The following SHANK2 variants were observed in gnomAD, a reference collection of about 807,000 sequenced individuals.
SHANK2 encodes the protein SH3 and multiple ankyrin repeat domains 2.
SHANK2 carries 43 observed loss-of-function variants against 133.7 expected under a neutral mutation model. The observed-to-expected ratio is 0.32, with a 90% CI of 0.25 to 0.41. SHANK2 has a LOEUF of 0.41. SHANK2 is among the 10% of genes least tolerant of loss of function. The pLI, the probability that SHANK2 is intolerant of heterozygous loss-of-function variation, is 1.00. For missense variants in SHANK2, 1,994 were observed against 2,235.8 expected (o/e 0.89, Z 2.18); for synonymous variants, 1,017 against 952.8 (o/e 1.07, Z -1.24).
chr11:70,860,237 C>T (rs1056128923), intron 11 of SHANK2, among the ~76,000 whole-genome samples: 3 of 152,300 alleles, frequency 2.0e-5, no homozygotes, highest in Admixed American at 6.5e-5. Context: ...CCCCAAAGCC[C>T]CATGGCTATG....
At chr11:71,237,233 G>A (rs142661279) in intron 1 of SHANK2, among the ~76,000 whole-genome samples, 26 of 152,320 alleles carry the variant, frequency 1.7e-4, no homozygotes, top group African/African-American at 1.9e-4. Flanking sequence ...TGAGTCCAGG[G>A]ACTGAGCCCG....
chr11:70,869,046 T>C (rs1328873716), intron 11 of SHANK2, among the ~76,000 whole-genome samples: 1 of 152,050 alleles, frequency 6.6e-6, no homozygotes, highest in Non-Finnish European at 1.5e-5. Flanking sequence ...ATGGGGCAGG[T>C]CCTAAATCCA....
rs782794833 is a variant in SHANK2, at chr11:70,659,857, C to T, written c.2032G>A (p.Gly678Arg). Reference protein sequence around the residue: ...VDEGGVAWQAGLRTGDFLIEV... With the variant: ...VDEGGVAWQARLRTGDFLIEV... Reference sequence around the variant, plus strand: ...ATCAAGAAGTCCCCGGTCCTTAGTCCGGCTTGCCACGCCACCCCACCTTCA... The same window carrying T: ...ATCAAGAAGTCCCCGGTCCTTAGTCTGGCTTGCCACGCCACCCCACCTTCA... The change falls in exon 17 of 26, where the codon GGA (glycine) becomes AGA (arginine). Residue 678 changes from glycine to arginine, a missense_variant. This residue lies in a region of SHANK2 where 488 missense variants were observed against 642.6 expected (regional missense o/e 0.76). Coordinates refer to ENST00000601538, the MANE Select transcript of SHANK2 (RefSeq NM_012309.5). The T allele has an allele frequency of 3.7e-5, 59 of 1,614,028 alleles. No individual in the cohort carries two copies. The highest frequency in any genetic ancestry group is 6.7e-5 in the East Asian group (3 of 44,892).
At chr11:70,583,316 G>C (rs2060207782) in intron 17 of SHANK2, among the ~76,000 whole-genome samples, 1 of 152,148 alleles carries the variant, frequency 6.6e-6, no homozygotes, top group African/African-American at 2.4e-5. Flanking sequence ...AGGTGACCTG[G>C]AGGGCAAGGG....
At chr11:70,735,613 A>G (rs576476521) in intron 14 of SHANK2, among the ~76,000 whole-genome samples, 2 of 152,056 alleles carry the variant, frequency 1.3e-5, no homozygotes, top group East Asian at 3.9e-4. Flanking sequence ...CTGAGGCAGA[A>G]GAATTGCTTG....
In SHANK2 at chr11:70,924,618, G is replaced by A. The variant is rs539583949; in HGVS notation, c.1108-28051C>T. Among the ~76,000 whole-genome samples the A allele has an allele frequency of 9.2e-5, 14 of 152,134 alleles. No individual in the cohort carries two copies. The East Asian group carries it at 9.7e-4, about 11-fold the overall frequency. On this transcript the variant is annotated intron_variant, in intron 10 of 25. Transcript: ENST00000601538. ...ATTACAGGCACCCGTGACCATGCCC[G>A]GCTAATTTTTGTATTTTTAGTAGAG...
chr11:70,786,086 T>A (rs559868007), intron 14 of SHANK2, among the ~76,000 whole-genome samples: 93 of 152,212 alleles, frequency 6.1e-4, no homozygotes, highest in African/African-American at 1.9e-3. Context: ...TGCCAGAATT[T>A]CCAACAAACA....
chr11:71,247,106 G>A (rs1332729968), intron 1 of SHANK2, among the ~76,000 whole-genome samples: 1 of 152,128 alleles, frequency 6.6e-6, no homozygotes, highest in Non-Finnish European at 1.5e-5. Context: ...ATTACATTAG[G>A]ATAAAATTCT....
chr11:70,844,557 T>C (rs1323441857), intron 11 of SHANK2, among the ~76,000 whole-genome samples: 2 of 152,198 alleles, frequency 1.3e-5, no homozygotes, highest in Admixed American at 6.5e-5. Flanking sequence ...CTCCCCACAC[T>C]GAGCACCTGG....
chr11:71,107,786 T>C (rs1555098214), intron 6 of SHANK2, among the ~76,000 whole-genome samples: 1 of 152,200 alleles, frequency 6.6e-6, no homozygotes. Flanking sequence ...AACAGTCATC[T>C]CAGAACCTTA....
At chr11:70,629,755 C>T (rs2060957518) in intron 17 of SHANK2, among the ~76,000 whole-genome samples, 3 of 152,172 alleles carry the variant, frequency 2.0e-5, no homozygotes, top group Admixed American at 2.0e-4. Flanking sequence ...TCCTGGTGCC[C>T]TCTAATGCCC....
At chr11:70,478,134 T>TAAAG (rs2058687710) in intron 25 of SHANK2, among the ~76,000 whole-genome samples, 1 of 151,464 alleles carries the variant, frequency 6.6e-6, no homozygotes, top group African/African-American at 2.4e-5. Flanking sequence ...GTGAGGTAAG[T>TAAAG]AAAGAAGCAA....
At chr11:70,590,660 C>T (rs959969417) in intron 17 of SHANK2, among the ~76,000 whole-genome samples, 1 of 152,142 alleles carries the variant, frequency 6.6e-6, no homozygotes, top group African/African-American at 2.4e-5. Context: ...GCTAGCATTT[C>T]TCAGCAATAA....
Position 71,120,177 on chromosome 11 carries a change from G to A in SHANK2, c.208-1145C>T, listed in dbSNP as rs571317803. Among the ~76,000 whole-genome samples, 15 of 152,210 alleles carry A rather than the reference G, an allele frequency of 9.9e-5. No individual in the cohort carries two copies. The East Asian group carries it at 2.9e-3, about 29-fold the overall frequency. On this transcript the variant is annotated intron_variant, in intron 3 of 25. Transcript: ENST00000601538. ...CTGAGGACTGAAATAACAACAACTT[G>A]GTCATGTTCCCAGGTCCCCTCTGTG... is the stretch of plus-strand genomic sequence containing the variant.
chr11:70,558,824 C>T (rs1467197137), intron 17 of SHANK2, among the ~76,000 whole-genome samples: 4 of 152,118 alleles, frequency 2.6e-5, no homozygotes, highest in Admixed American at 1.3e-4. Context: ...AGGAGGGCTC[C>T]GGCTTCCTGG....
chr11:70,516,911 A>G (rs1322668309), intron 17 of SHANK2, among the ~76,000 whole-genome samples: 2 of 152,090 alleles, frequency 1.3e-5, no homozygotes, highest in Non-Finnish European at 2.9e-5. Context: ...CGTCTCTTAT[A>G]AAAGTACAAA....
chr11:70,553,052 C>A (rs994126134), intron 17 of SHANK2, among the ~76,000 whole-genome samples: 2 of 152,098 alleles, frequency 1.3e-5, no homozygotes, highest in Admixed American at 1.3e-4. Flanking sequence ...ACAGTGATAT[C>A]GGATTAAGGC....
intron 17 of SHANK2, among the ~76,000 whole-genome samples, chr11:70,506,042 CAG>C (rs2059132410): frequency 6.6e-6 from 1 of 152,122 alleles, no homozygotes; most frequent in African/African-American, 2.4e-5. Context: ...TCAGAAGTGT[CAG>C]AGACAGACAT....
intron 15 of SHANK2, among the ~76,000 whole-genome samples, chr11:70,697,382 G>C (rs1555022481): frequency 6.6e-6 from 1 of 152,232 alleles, no homozygotes; most frequent in Non-Finnish European, 1.5e-5. Context: ...CAGCGTGGAA[G>C]AGGCCAGACA....
Sources: allele counts gnomAD v4.1 joint callset (sites outside exome capture counted in the v4.1 genomes callset), GRCh38; gene constraint gnomAD v4.1.1; regional missense constraint gnomAD v4.1.1; transcripts MANE v1.5; gene names NCBI Gene and HGNC (gene_info 2026-07-23, HGNC 2026-07-21).